Variants in FOXJ3 observed in about 807,000 individuals in gnomAD.
The protein encoded by FOXJ3 is forkhead box protein J3.
In FOXJ3, 22 loss-of-function variants were observed where a neutral mutation model predicts 76.1. The observed-to-expected ratio is 0.29, with a 90% CI of 0.21 to 0.41. The LOEUF (loss-of-function observed/expected upper bound fraction) is 0.41, where lower values mean the gene tolerates loss of function less well. FOXJ3 is among the 10% of genes least tolerant of loss of function. The probability of loss-of-function intolerance (pLI) is 1.00; values close to 1 mark genes in which losing one functional copy is unlikely to be tolerated. For missense variants in FOXJ3, 613 were observed against 762.1 expected (o/e 0.80, Z 2.30); for synonymous variants, 269 against 261.2 (o/e 1.03, Z -0.29).
intron 2 of FOXJ3, among the ~76,000 whole-genome samples, chr1:42,291,902 C>T (rs1653460494): frequency 6.6e-6 from 1 of 152,070 alleles, no homozygotes; most frequent in South Asian, 2.1e-4. Context: ...GGTACTTCAA[C>T]AAATAAAATA....
intron 1 of FOXJ3, among the ~76,000 whole-genome samples, chr1:42,329,101 A>C (rs1656008058): frequency 6.6e-6 from 1 of 152,216 alleles, no homozygotes; most frequent in Non-Finnish European, 1.5e-5. Context: ...TTCTCAGGTT[A>C]TCAGTTGATA....
chr1:42,246,631 T>TAAA (rs758386607), intron 4 of FOXJ3, among the ~76,000 whole-genome samples: 1 of 136,842 alleles, frequency 7.3e-6, no homozygotes. Flanking sequence ...TGTTGCTTTC[T>TAAA]AAAAAAAAAA....
At chr1:42,300,658 G>A (rs1346170567) in intron 2 of FOXJ3, among the ~76,000 whole-genome samples, 1 of 152,076 alleles carries the variant, frequency 6.6e-6, no homozygotes, top group African/African-American at 2.4e-5. Flanking sequence ...TGTGCTTGTA[G>A]TCCCAGCTAC....
At chr1:42,242,391 G>A (rs1649211817) in intron 4 of FOXJ3, among the ~76,000 whole-genome samples, 1 of 151,894 alleles carries the variant, frequency 6.6e-6, no homozygotes, top group Non-Finnish European at 1.5e-5. Flanking sequence ...ATACAAATGA[G>A]AAATTCACCA....
intron 4 of FOXJ3, among the ~76,000 whole-genome samples, chr1:42,236,542 A>G (rs558362594): frequency 6.6e-6 from 1 of 152,354 alleles, no homozygotes; most frequent in African/African-American, 2.4e-5. Context: ...TTAAATAAAA[A>G]TAAAATGCAC....
chr1:42,185,567 T>C (rs1461251562), intron 11 of FOXJ3, among the ~76,000 whole-genome samples: 1 of 151,954 alleles, frequency 6.6e-6, no homozygotes, highest in Non-Finnish European at 1.5e-5. Flanking sequence ...AACCACTAGG[T>C]TGTGAACTCT....
At chr1:42,254,190 C>T (rs343396) in intron 4 of FOXJ3, among the ~76,000 whole-genome samples, 105,497 of 150,766 alleles carry the variant, frequency 0.7, 37,692 homozygotes, top group Admixed American at 0.8. Flanking sequence ...AAGACATTTA[C>T]GCAGCCAAAA....
At chr1:42,330,430 G>T (rs2494368) in intron 1 of FOXJ3, among the ~76,000 whole-genome samples, 27,584 of 152,102 alleles carry the variant, frequency 0.18, 2,705 homozygotes, top group Admixed American at 0.25. Flanking sequence ...TTGAGCCCGG[G>T]AGTTAGCGAC....
chr1:42,187,100 G>A (rs571368210), intron 11 of FOXJ3, among the ~76,000 whole-genome samples: 14 of 151,460 alleles, frequency 9.2e-5, no homozygotes, highest in South Asian at 2.1e-4. Flanking sequence ...AGCCCGCCTC[G>A]GCCTCCCAAA....
intron 5 of FOXJ3, among the ~76,000 whole-genome samples, chr1:42,211,725 G>A (rs1646969094): frequency 6.6e-6 from 1 of 152,188 alleles, no homozygotes; most frequent in African/African-American, 2.4e-5. Flanking sequence ...TAGTGAGCCT[G>A]CTCACACATC....
intron 6 of FOXJ3, among the ~76,000 whole-genome samples, chr1:42,204,215 C>T (rs1488008273): frequency 1.3e-5 from 2 of 152,032 alleles, no homozygotes; most frequent in Non-Finnish European, 2.9e-5. Context: ...TTTAACTATT[C>T]TCTGGGCTCC....
chr1:42,253,858 C>T (rs1650331586), intron 4 of FOXJ3, among the ~76,000 whole-genome samples: 1 of 151,958 alleles, frequency 6.6e-6, no homozygotes. Context: ...ACCATAAAAA[C>T]CCTAGAAGAA....
intron 1 of FOXJ3, among the ~76,000 whole-genome samples, chr1:42,330,600 T>C (rs775532719): frequency 6.6e-6 from 1 of 152,080 alleles, no homozygotes; most frequent in Non-Finnish European, 1.5e-5. Context: ...ATCGTGCCAC[T>C]GCACTCCAGC....
intron 1 of FOXJ3, among the ~76,000 whole-genome samples, chr1:42,313,053 G>A (rs1966213): frequency 0.7 from 106,378 of 152,018 alleles, 37,969 homozygotes; most frequent in Admixed American, 0.8. Flanking sequence ...CCTTCATACC[G>A]GCTGGGCGCA....
At chr1:42,265,344 G>A (rs1651382759) in intron 3 of FOXJ3, among the ~76,000 whole-genome samples, 155 bp from the exon 4 acceptor site, 1 of 152,188 alleles carries the variant, frequency 6.6e-6, no homozygotes, top group South Asian at 2.1e-4. Flanking sequence ...AAATCTTTCT[G>A]ACTTTCAAAT....
chr1:42,242,916 T>A (rs1476927185), intron 4 of FOXJ3, among the ~76,000 whole-genome samples: 2 of 151,214 alleles, frequency 1.3e-5, no homozygotes, highest in Non-Finnish European at 2.9e-5. Flanking sequence ...CTGGCAAAAG[T>A]CAAACACAAA....
At position 42,181,889 on chromosome 1, in the gene FOXJ3, ACACACTCACT is replaced by A. The variant is rs776139763; in HGVS notation, c.1753+18_1753+27del. 7.8e-6 allele frequency: 11 copies of A among 1,409,882 alleles called. No homozygotes were observed. The African/African-American group carries it at 1.3e-4, about 16-fold the overall frequency. The allele number at this position is 1,409,882 out of a possible 1,614,324, so 87.3% of individuals were successfully genotyped here. On this transcript the variant is annotated intron_variant, in intron 12 of 12. Transcript: ENST00000361346. Reference sequence around the variant, plus strand: ...CTCACACACACACACACACACACACACACACTCACTCTCTCTCTCTCTCTTACCTGCCATC... The same window carrying A: ...CTCACACACACACACACACACACACACTCTCTCTCTCTCTTACCTGCCATC...
At chr1:42,196,638 A>G (rs1472041551) in intron 7 of FOXJ3, among the ~76,000 whole-genome samples, 1 of 152,232 alleles carries the variant, frequency 6.6e-6, no homozygotes, top group Non-Finnish European at 1.5e-5. Context: ...GGTTGCCATA[A>G]GCTGAGAACA....
intron 5 of FOXJ3, among the ~76,000 whole-genome samples, chr1:42,226,494 A>G (rs1331398117): frequency 6.6e-6 from 1 of 152,148 alleles, no homozygotes; most frequent in Non-Finnish European, 1.5e-5. Context: ...CTGTAATCCC[A>G]GCTACTTGGG....
Sources: gnomAD v4.1 joint callset for allele counts (sites outside exome capture counted in the v4.1 genomes callset) on GRCh38, gnomAD v4.1.1 for gene constraint, MANE v1.5 for transcripts, NCBI Gene and HGNC (gene_info 2026-07-23, HGNC 2026-07-21) for gene names.